Variants in IQCJ observed in about 807,000 individuals in gnomAD.
IQCJ encodes the protein IQ domain-containing protein J.
A neutral mutation model predicts 11.0 loss-of-function variants in IQCJ; 9 were observed. The observed-to-expected ratio is 0.82, with a 90% CI of 0.49 to 1.43. The LOEUF (loss-of-function observed/expected upper bound fraction) is 1.43, where lower values mean the gene tolerates loss of function less well. Among genes scored for constraint, IQCJ ranks in the 40% most tolerant of loss-of-function variants. The pLI, the probability that IQCJ is intolerant of heterozygous loss-of-function variation, is 0.00. For synonymous variants in IQCJ, 55 were observed against 51.3 expected (o/e 1.07, Z -0.31); for missense variants, 146 against 133.2 (o/e 1.10, Z -0.47).
intron 1 of IQCJ, among the ~76,000 whole-genome samples, chr3:159,134,582 T>C (rs1720179985): frequency 6.6e-6 from 1 of 152,206 alleles, no homozygotes; most frequent in Non-Finnish European, 1.5e-5. Context: ...AAGAAGCTTA[T>C]ACATCTTTCT....
chr3:159,076,539 C>G (rs1463266667), intron 1 of IQCJ, among the ~76,000 whole-genome samples: 1 of 151,992 alleles, frequency 6.6e-6, no homozygotes, highest in African/African-American at 2.4e-5. Flanking sequence ...CAACTAGTTC[C>G]TAAAAAGAAG....
At chr3:159,076,971 C>G (rs539530894) in intron 1 of IQCJ, among the ~76,000 whole-genome samples, 2 of 152,102 alleles carry the variant, frequency 1.3e-5, no homozygotes, top group South Asian at 2.1e-4. Context: ...GTACTTAGAA[C>G]AGTGCCTGGC....
chr3:159,091,578 C>T (rs1717286441), intron 1 of IQCJ, among the ~76,000 whole-genome samples: 1 of 151,250 alleles, frequency 6.6e-6, no homozygotes. Flanking sequence ...GGGACACAAA[C>T]ATTCAGACCA....
At chr3:159,182,585 G>C (rs1232131994) in intron 1 of IQCJ, among the ~76,000 whole-genome samples, 1 of 151,744 alleles carries the variant, frequency 6.6e-6, no homozygotes, top group African/African-American at 2.4e-5. Flanking sequence ...CCCTTTTAAG[G>C]GCTCACAACT....
At chr3:159,265,336 C>G (rs781021667), downstream of IQCJ, 10 of 1,613,614 alleles carry the variant, frequency 6.2e-6, no homozygotes, top group Non-Finnish European at 8.5e-6. Flanking sequence ...CTTGCCAGAC[C>G]CACTGGGTTC....
At chr3:159,224,159 A>G (rs968040023) in intron 1 of IQCJ, among the ~76,000 whole-genome samples, 9 of 152,094 alleles carry the variant, frequency 5.9e-5, no homozygotes, top group African/African-American at 2.2e-4. Flanking sequence ...CAGAGCAAAT[A>G]GCAACAAAGT....
chr3:159,208,916 T>G (rs903469304), intron 1 of IQCJ, among the ~76,000 whole-genome samples: 1 of 152,024 alleles, frequency 6.6e-6, no homozygotes, highest in Admixed American at 6.5e-5. Flanking sequence ...GACAAAGAAA[T>G]ACATTGGAAT....
At chr3:159,147,316 C>T (rs1720974559) in intron 1 of IQCJ, among the ~76,000 whole-genome samples, 1 of 152,174 alleles carries the variant, frequency 6.6e-6, no homozygotes, top group African/African-American at 2.4e-5. Flanking sequence ...TTCAGCAGGT[C>T]GTAAGAAATG....
intron 1 of IQCJ, among the ~76,000 whole-genome samples, chr3:159,200,944 T>C (rs1724296003): frequency 6.6e-6 from 1 of 152,176 alleles, no homozygotes; most frequent in South Asian, 2.1e-4. Context: ...GAAGGAAATA[T>C]AGGAAATTCT....
chr3:159,238,417 A>G (rs542951124), intron 1 of IQCJ, among the ~76,000 whole-genome samples: 2 of 152,220 alleles, frequency 1.3e-5, no homozygotes, highest in Admixed American at 6.5e-5. Context: ...AGCAGACGAT[A>G]TAAAACTACT....
chr3:159,191,191 T>C (rs752506932), intron 1 of IQCJ, among the ~76,000 whole-genome samples: 7 of 152,128 alleles, frequency 4.6e-5, no homozygotes, highest in African/African-American at 4.8e-5. Flanking sequence ...CAGTAGGTAG[T>C]GAGAAACACA....
At chr3:159,086,830 G>A (rs985466626) in intron 1 of IQCJ, among the ~76,000 whole-genome samples, 2 of 152,014 alleles carry the variant, frequency 1.3e-5, no homozygotes, top group South Asian at 2.1e-4. Context: ...GAGACAATGG[G>A]GTTTTCTAGA....
At chr3:159,141,962 C>CT (rs1202039678) in intron 1 of IQCJ, among the ~76,000 whole-genome samples, 2 of 152,094 alleles carry the variant, frequency 1.3e-5, no homozygotes, top group East Asian at 3.9e-4. Context: ...TTTGTTGTTG[C>CT]TAAAGGAAAT....
intron 1 of IQCJ, among the ~76,000 whole-genome samples, chr3:159,087,112 G>A (rs1236160425): frequency 6.6e-6 from 1 of 152,178 alleles, no homozygotes; most frequent in Admixed American, 6.5e-5. Context: ...AATGTATTGA[G>A]AGTTTTTAGC....
chr3:159,151,836 T>C (rs1011035843), intron 1 of IQCJ, among the ~76,000 whole-genome samples: 1 of 152,294 alleles, frequency 6.6e-6, no homozygotes, highest in East Asian at 1.9e-4. Context: ...GGGGTTTCAC[T>C]GTGTTAGCCA....
At chr3:159,171,543 A>G (rs951450113) in intron 1 of IQCJ, among the ~76,000 whole-genome samples, 2 of 152,206 alleles carry the variant, frequency 1.3e-5, no homozygotes, top group African/African-American at 4.8e-5. Flanking sequence ...TCATGCGTCA[A>G]TCAGCCCTGC....
chr3:159,149,486 G>C (rs75728579), intron 1 of IQCJ, among the ~76,000 whole-genome samples: 2,900 of 152,140 alleles, frequency 0.019, 77 homozygotes, highest in African/African-American at 0.066. Flanking sequence ...TTGCTCTTTG[G>C]TAGTTCTGAG....
At chr3:159,078,073 C>T (rs1194962379) in intron 1 of IQCJ, among the ~76,000 whole-genome samples, 1 of 152,026 alleles carries the variant, frequency 6.6e-6, no homozygotes, top group Non-Finnish European at 1.5e-5. Flanking sequence ...ACTCTTAAGT[C>T]CTGTGGCAAA....
chr3:159,094,454 T>A (rs35585704), intron 1 of IQCJ, among the ~76,000 whole-genome samples: 1,788 of 131,298 alleles, frequency 0.014, 83 homozygotes, highest in African/African-American at 0.053. Context: ...TTTTTACTAT[T>A]GGAAGTTTTA....
Sources: allele counts gnomAD v4.1 joint callset (sites outside exome capture counted in the v4.1 genomes callset), GRCh38; gene constraint gnomAD v4.1.1; transcripts MANE v1.5; gene names NCBI Gene and HGNC (gene_info 2026-07-23, HGNC 2026-07-21).